The following LRP6 variants were observed in gnomAD, a reference collection of about 807,000 sequenced individuals.
LRP6 encodes the protein LDL receptor related protein 6, also known as low-density lipoprotein receptor-related protein 6.
In LRP6, 43 loss-of-function variants were observed where a neutral mutation model predicts 184.1. The ratio of observed to expected loss-of-function variants is 0.23; its 90% confidence interval spans 0.18 to 0.30. The LOEUF (loss-of-function observed/expected upper bound fraction) is 0.30. Ranked by LOEUF, LRP6 falls within the 10% of genes least tolerant of loss-of-function variation. The pLI, the probability that LRP6 is intolerant of heterozygous loss-of-function variation, is 1.00. For synonymous variants in LRP6, 719 were observed against 684.9 expected (o/e 1.05, Z -0.78); for missense variants, 1,571 against 2,005.3 (o/e 0.78, Z 4.14).
At chr12:12,252,773 C>T (rs1219723099) in intron 1 of LRP6, among the ~76,000 whole-genome samples, 1 of 152,166 alleles carries the variant, frequency 6.6e-6, no homozygotes, top group Non-Finnish European at 1.5e-5. Flanking sequence ...TAACGACCTA[C>T]TCCAGACTGC....
intron 3 of LRP6, among the ~76,000 whole-genome samples, chr12:12,195,848 T>C (rs993373181): frequency 1.3e-5 from 2 of 152,134 alleles, no homozygotes; most frequent in African/African-American, 4.8e-5. Context: ...CTTTGATCCA[T>C]TTTGAGTTGA....
intron 1 of LRP6, among the ~76,000 whole-genome samples, chr12:12,256,424 C>A (rs1865467035): frequency 6.6e-6 from 1 of 151,882 alleles, no homozygotes; most frequent in African/African-American, 2.4e-5. Context: ...TTGGAAGGAT[C>A]ACCGGAGCCT....
intron 13 of LRP6, 132 bp from the exon 14 acceptor site, chr12:12,149,285 T>C: frequency 1.3e-6 from 1 of 744,808 alleles, no homozygotes; most frequent in Non-Finnish European, 2.4e-6. Context: ...GAGTATTTCT[T>C]ACTGATACCT....
chr12:12,249,670 C>CGG (rs1865273561), intron 1 of LRP6, among the ~76,000 whole-genome samples: 1 of 117,246 alleles, frequency 8.5e-6, no homozygotes, highest in Admixed American at 8.8e-5. Context: ...TGTGCTATAA[C>CGG]AGAAGGAAGG....
intron 3 of LRP6, chr12:12,187,447 T>C: frequency 5.5e-6 from 2 of 363,710 alleles, no homozygotes; most frequent in South Asian, 5.0e-5. Context: ...TCAACTACCA[T>C]CTCTGGACTC....
chr12:12,132,567 G>A (rs1471286312), intron 17 of LRP6, among the ~76,000 whole-genome samples: 1 of 152,060 alleles, frequency 6.6e-6, no homozygotes, highest in Non-Finnish European at 1.5e-5. Context: ...AAAAGAAATA[G>A]TGAATAAAAC....
chr12:12,170,625 A>G (rs781624998), intron 7 of LRP6, among the ~76,000 whole-genome samples: 2 of 152,076 alleles, frequency 1.3e-5, no homozygotes, highest in African/African-American at 2.4e-5. Flanking sequence ...AATAAAATTA[A>G]TTGGTTCCTT....
Position 12,119,813 on chromosome 12 carries a change from C to T in LRP6, c.*1313G>A, listed in dbSNP as rs1419961031. 6.6e-6 allele frequency: 1 copy of T among 151,278 alleles called. No individual in the cohort carries two copies. The highest frequency in any genetic ancestry group is 2.4e-5 in the African/African-American group (1 of 41,088). The allele number at this position is 151,278 out of a possible 1,614,324, so 9.4% of individuals were successfully genotyped here. ...AGAAAGATATTAAATTCATGTCACA[C>T]ATTAGAAGAGGTATGTATGTAGACA... On this transcript the variant is annotated 3_prime_UTR_variant, in exon 23 of 23. Coordinates refer to ENST00000261349, the MANE Select transcript of LRP6 (RefSeq NM_002336.3).
Position 12,163,908 on chromosome 12 carries a change from C to T in LRP6, c.2052+365G>A, listed in dbSNP as rs1862802904. On this transcript the variant is annotated intron_variant, in intron 9 of 22. Coordinates refer to ENST00000261349, the MANE Select transcript of LRP6 (RefSeq NM_002336.3). ...CAGCACTTTGGGAGGACGAAGCGGGCGGATCACGAGGTCAAGAGTTCGAGC... is the reference window on the plus strand; with the variant it reads ...CAGCACTTTGGGAGGACGAAGCGGGTGGATCACGAGGTCAAGAGTTCGAGC... Among the ~76,000 whole-genome samples, 3 of 152,080 alleles carry T rather than the reference C, an allele frequency of 2.0e-5. No homozygotes were observed. In the South Asian group the frequency reaches 6.2e-4, roughly 31 times the overall value.
At chr12:12,212,404 G>C (rs937017796) in intron 2 of LRP6, among the ~76,000 whole-genome samples, 2 of 152,162 alleles carry the variant, frequency 1.3e-5, no homozygotes, top group African/African-American at 2.4e-5. Flanking sequence ...AGCATGAAGA[G>C]AGCCTGTCAC....
At chr12:12,121,907 C>A (rs746448810) in intron 22 of LRP6, among the ~76,000 whole-genome samples, 26 of 150,266 alleles carry the variant, frequency 1.7e-4, no homozygotes, top group Non-Finnish European at 3.7e-4. Flanking sequence ...CAATTCTGTA[C>A]AATTTCTGTA....
chr12:12,150,583 G>A (rs1950068015), intron 13 of LRP6, among the ~76,000 whole-genome samples: 1 of 152,094 alleles, frequency 6.6e-6, no homozygotes. Context: ...AGAAACGTAG[G>A]GGGCAGTCAC....
Position 12,119,847 on chromosome 12 carries a change from A to G in LRP6, c.*1279T>C, listed in dbSNP as rs1949570326. 6.6e-6 allele frequency: 1 copy of G among 151,606 alleles called. No individual in the cohort carries two copies. The highest frequency in any genetic ancestry group is 2.4e-5 in the African/African-American group (1 of 41,262). The allele number at this position is 151,606 out of a possible 1,614,324, so 9.4% of individuals were successfully genotyped here. ...AGGTATGTATGTAGACATTATTCTGAGAAAAACCGGTCTAAAGAACATGAA... is the reference window on the plus strand; with the variant it reads ...AGGTATGTATGTAGACATTATTCTGGGAAAAACCGGTCTAAAGAACATGAA... On this transcript the variant is annotated 3_prime_UTR_variant, in exon 23 of 23. Coordinates refer to ENST00000261349, the MANE Select transcript of LRP6 (RefSeq NM_002336.3).
chr12:12,222,284 G>A (rs892487453), intron 2 of LRP6, among the ~76,000 whole-genome samples: 4 of 151,962 alleles, frequency 2.6e-5, no homozygotes, highest in African/African-American at 9.7e-5. Context: ...GAAAGATCAC[G>A]GCCGGGTGCA....
chr12:12,233,999 T>G (rs760910394), intron 2 of LRP6, among the ~76,000 whole-genome samples: 5 of 152,086 alleles, frequency 3.3e-5, no homozygotes, highest in Non-Finnish European at 7.4e-5. Context: ...ATTCAAAATG[T>G]TAAGTTTTGG....
intron 16 of LRP6, among the ~76,000 whole-genome samples, chr12:12,135,895 T>A (rs1026105312): frequency 6.6e-6 from 1 of 152,146 alleles, no homozygotes; most frequent in Non-Finnish European, 1.5e-5. Flanking sequence ...AAAAAATTGC[T>A]AGGGAGAGGC....
At position 12,181,232 on chromosome 12, in the gene LRP6, T is replaced by C. The variant is rs770144542; in HGVS notation, c.1184A>G (p.Gln395Arg). Reference protein sequence around the residue: ...RRSFIDGSGSQFVVTAQIAHP... With the variant: ...RRSFIDGSGSRFVVTAQIAHP... The stretch of plus-strand genomic sequence containing the variant: ...GGCAATTTGAGCAGTGACCACAAAC[T>C]GACTGCCAGATCCATCTATAAATGA... The change falls in exon 6 of 23, where the codon CAG becomes CGG. Residue 395 changes from glutamine to arginine, a missense_variant. This residue lies in a region of LRP6 where 640 missense variants were observed against 851.9 expected (regional missense o/e 0.75). Transcript: ENST00000261349. 1.5e-5 allele frequency: 24 copies of C among 1,614,038 alleles called. No homozygotes were observed. In the Admixed American group the frequency reaches 3.0e-4, roughly 20 times the overall value.
intron 4 of LRP6, chr12:12,186,658 CT>C (rs34355990): frequency 0.037 from 10,647 of 284,844 alleles, 1 homozygote; most frequent in Middle Eastern, 0.058. Context: ...GGGATTTTAA[CT>C]TTTTTTTTTT....
In LRP6 at chr12:12,266,761, C is replaced by T; in HGVS notation, c.-26G>A. The T allele has an allele frequency of 1.2e-6, 2 of 1,605,022 alleles. No individual in the cohort carries two copies. Among genetic ancestry groups the T allele is most frequent in the Non-Finnish European group, 1.7e-6 (2 of 1,174,718 alleles). ...CTTCCCTTCTCGCGTTCTCTTCTCTCACCGGCGAGGGGTGGCCAGAAGTGG... is the reference window on the plus strand; with the variant it reads ...CTTCCCTTCTCGCGTTCTCTTCTCTTACCGGCGAGGGGTGGCCAGAAGTGG... On this transcript the variant is annotated 5_prime_UTR_variant, in exon 1 of 23. An upstream open reading frame in the 5' UTR loses its in-frame stop. Transcript: ENST00000261349.
Sources: gnomAD v4.1 joint callset for allele counts (sites outside exome capture counted in the v4.1 genomes callset) on GRCh38, gnomAD v4.1.1 for gene constraint, gnomAD v4.1.1 regional missense constraint, MANE v1.5 for transcripts, NCBI Gene and HGNC (gene_info 2026-07-23, HGNC 2026-07-21) for gene names.